The following RANBP17 variants were observed in gnomAD, a reference collection of about 807,000 sequenced individuals.
RANBP17 encodes RAN binding protein 17, also known as ran-binding protein 17.
RANBP17 carries 158 observed loss-of-function variants against 141.2 expected under a neutral mutation model. The observed-to-expected ratio is 1.12, with a 90% CI of 0.98 to 1.28. The LOEUF is 1.28. Ranked by LOEUF, RANBP17 falls within the 50% of genes most tolerant of loss-of-function variation. The probability of loss-of-function intolerance (pLI) is 0.00; values close to 1 mark genes in which losing one functional copy is unlikely to be tolerated. For missense variants in RANBP17, 1,438 were observed against 1,290.7 expected, an observed-to-expected ratio of 1.11 and a Z score of -1.75; for synonymous variants, 430 against 450.0, an observed-to-expected ratio of 0.96 and a Z score of 0.56.
intron 20 of RANBP17, chr5:171,207,945 C>T (rs540324651): frequency 5.3e-5 from 8 of 152,028 alleles, no homozygotes; most frequent in African/African-American, 1.9e-4. Context: ...TCAAAGTATT[C>T]AAGTAATGCA....
chr5:171,111,606 CAG>C (rs1755239093), intron 14 of RANBP17, among the ~76,000 whole-genome samples: 1 of 152,118 alleles, frequency 6.6e-6, no homozygotes. Context: ...TAGCCCAAAA[CAG>C]GGGTTCTGAG....
chr5:170,866,472 G>A (rs762297254), intron 1 of RANBP17, among the ~76,000 whole-genome samples: 1 of 151,990 alleles, frequency 6.6e-6, no homozygotes, highest in Non-Finnish European at 1.5e-5. Context: ...TCACGAAATC[G>A]AGACCATCCT....
chr5:170,988,916 G>A (rs1191687497), intron 14 of RANBP17, among the ~76,000 whole-genome samples: 1 of 151,788 alleles, frequency 6.6e-6, no homozygotes, highest in Non-Finnish European at 1.5e-5. Flanking sequence ...CTGGCAACCA[G>A]TTTGTAAGAT....
chr5:171,251,749 C>G (rs1289799238), intron 24 of RANBP17: 3 of 827,142 alleles, frequency 3.6e-6, no homozygotes, highest in African/African-American at 1.7e-5. Context: ...GCAGGTGGCC[C>G]CGTTCCCCTC....
chr5:170,960,764 A>G (rs193178784), intron 13 of RANBP17, among the ~76,000 whole-genome samples: 241 of 152,312 alleles, frequency 1.6e-3, no homozygotes, highest in African/African-American at 4.9e-3. Context: ...TGTTTTTAAG[A>G]TGAACAACAT....
intron 14 of RANBP17, among the ~76,000 whole-genome samples, chr5:171,039,052 C>T (rs766599575): frequency 1.3e-5 from 2 of 151,986 alleles, no homozygotes; most frequent in Non-Finnish European, 2.9e-5. Flanking sequence ...GTGTATGTGT[C>T]TTTTTAGTAA....
intron 14 of RANBP17, among the ~76,000 whole-genome samples, chr5:171,163,644 C>T (rs1428843563): frequency 6.6e-6 from 1 of 152,176 alleles, no homozygotes; most frequent in African/African-American, 2.4e-5. Flanking sequence ...TATATTGGAT[C>T]CTTTCCAGTG....
chr5:170,959,257 A>G (rs1206443222), intron 13 of RANBP17, among the ~76,000 whole-genome samples: 1 of 152,176 alleles, frequency 6.6e-6, no homozygotes, highest in East Asian at 1.9e-4. Context: ...CTGCTATTAT[A>G]TAAATAACTT....
At chr5:171,248,366 CAAA>C (rs1217728868) in intron 24 of RANBP17, among the ~76,000 whole-genome samples, 9 of 60,352 alleles carry the variant, frequency 1.5e-4, no homozygotes, top group Admixed American at 3.6e-4. Flanking sequence ...GACTCCATCT[CAAA>C]AAAAAAAAAA....
intron 14 of RANBP17, among the ~76,000 whole-genome samples, chr5:171,103,097 ACAGT>A (rs1787287799): frequency 6.6e-6 from 1 of 152,128 alleles, no homozygotes; most frequent in Admixed American, 6.5e-5. Context: ...ACTTGAGGAG[ACAGT>A]CTGTCCCTTA....
chr5:171,084,277 C>A (rs1284008934), intron 14 of RANBP17, among the ~76,000 whole-genome samples: 3 of 149,006 alleles, frequency 2.0e-5, no homozygotes, highest in Admixed American at 6.7e-5. Flanking sequence ...CATGTCCCTA[C>A]AAAGGACATG....
chr5:171,078,685 C>T (rs990908334), intron 14 of RANBP17, among the ~76,000 whole-genome samples: 1 of 152,146 alleles, frequency 6.6e-6, no homozygotes, highest in African/African-American at 2.4e-5. Context: ...TCTATCAGTG[C>T]TCTAGAAATG....
intron 4 of RANBP17, among the ~76,000 whole-genome samples, chr5:170,894,022 G>A (rs182291340): frequency 6.6e-6 from 1 of 152,106 alleles, no homozygotes; most frequent in African/African-American, 2.4e-5. Context: ...AGGTTATGCT[G>A]CTTCTGTCTT....
chr5:170,910,956 G>A lies in RANBP17; in HGVS notation c.595-13G>A, dbSNP rs746981873. ...ATTTCGCAGTGTTTTCTTTGATTTT[G>A]TACTTTTTTCAGGTGTTTGCCAAAC... On this transcript the variant is annotated splice_polypyrimidine_tract_variant and intron_variant, in intron 6 of 27. Transcript: ENST00000523189. 6.2e-7 allele frequency: 1 copy of A among 1,607,002 alleles called. No homozygotes were observed. Among genetic ancestry groups the A allele is most frequent in the Admixed American group, 1.7e-5 (1 of 59,558 alleles).
At chr5:170,930,741 T>C (rs1773304088) in intron 12 of RANBP17, among the ~76,000 whole-genome samples, 1 of 152,134 alleles carries the variant, frequency 6.6e-6, no homozygotes, top group Non-Finnish European at 1.5e-5. Flanking sequence ...GACATGAACT[T>C]GTCCTTTTTT....
At chr5:171,250,616 C>T (rs555055915) in intron 24 of RANBP17, among the ~76,000 whole-genome samples, 33 of 151,896 alleles carry the variant, frequency 2.2e-4, no homozygotes, top group African/African-American at 7.0e-4. Context: ...GCAGTAAACA[C>T]ATATAGAGTG....
At chr5:171,219,525 A>G (rs1413121480) in intron 21 of RANBP17, among the ~76,000 whole-genome samples, 8 of 152,138 alleles carry the variant, frequency 5.3e-5, no homozygotes, top group Non-Finnish European at 1.0e-4. Context: ...TTTCAGGTAC[A>G]GCAGTCAATG....
intron 25 of RANBP17, among the ~76,000 whole-genome samples, chr5:171,279,558 T>C (rs1298798658): frequency 6.6e-6 from 1 of 152,212 alleles, no homozygotes; most frequent in African/African-American, 2.4e-5. Context: ...CTCTTAACGC[T>C]GTTGCATTGG....
chr5:171,272,635 T>G (rs1767193487), intron 25 of RANBP17, among the ~76,000 whole-genome samples: 1 of 152,234 alleles, frequency 6.6e-6, no homozygotes, highest in Admixed American at 6.5e-5. Flanking sequence ...GCTATCTCTG[T>G]TCCTTTGTTT....
Sources: allele counts gnomAD v4.1 joint callset (sites outside exome capture counted in the v4.1 genomes callset), GRCh38; gene constraint gnomAD v4.1.1; transcripts MANE v1.5; gene names NCBI Gene and HGNC (gene_info 2026-07-23, HGNC 2026-07-21).